The following MACROD2 variants were observed in gnomAD, a reference collection of about 807,000 sequenced individuals.
MACROD2 encodes ADP-ribose glycohydrolase MACROD2.
In MACROD2, 36 loss-of-function variants were observed where a neutral mutation model predicts 70.4. That is an observed-to-expected ratio of 0.51 (90% CI 0.39 to 0.68). The LOEUF (loss-of-function observed/expected upper bound fraction) is 0.68. MACROD2 is among the 30% of genes least tolerant of loss of function. The pLI is 0.00. For missense variants in MACROD2, 496 were observed against 538.4 expected (o/e 0.92, Z 0.78); for synonymous variants, 172 against 178.8 (o/e 0.96, Z 0.30).
At chr20:14,612,299 G>A (rs140085514) in intron 4 of MACROD2, among the ~76,000 whole-genome samples, 1 of 152,182 alleles carries the variant, frequency 6.6e-6, no homozygotes, top group African/African-American at 2.4e-5. Context: ...AAGTTACAAA[G>A]CCTTATTTTG....
intron 4 of MACROD2, among the ~76,000 whole-genome samples, chr20:14,616,402 A>G (rs892124025): frequency 2.0e-5 from 3 of 152,064 alleles, no homozygotes; most frequent in Non-Finnish European, 4.4e-5. Flanking sequence ...TTCTCCAATT[A>G]TATGTCATCT....
intron 7 of MACROD2, among the ~76,000 whole-genome samples, chr20:15,446,503 A>G (rs1262421449): frequency 2.6e-5 from 4 of 152,200 alleles, no homozygotes; most frequent in Non-Finnish European, 5.9e-5. Context: ...CCCTCCCCCA[A>G]TAAATCTTGT....
chr20:15,341,425 C>T (rs988913119), intron 6 of MACROD2, among the ~76,000 whole-genome samples: 1 of 152,104 alleles, frequency 6.6e-6, no homozygotes, highest in African/African-American at 2.4e-5. Flanking sequence ...AAGACTACCC[C>T]ATGATAACAT....
In MACROD2 at chr20:16,027,443, G is replaced by A. The variant is rs1030522194; in HGVS notation, c.1154-13758G>A. On this transcript the variant is annotated intron_variant, in intron 15 of 17. Transcript: ENST00000684519. The stretch of plus-strand genomic sequence containing the variant: ...ATTAAAGACATCTATAATTAAGAAT[G>A]TATAGGATTAAGTTATTCTTTGACT... 5.9e-5 allele frequency among the ~76,000 whole-genome samples: 9 copies of A among 152,204 alleles called. No individual in the cohort carries two copies. The South Asian group carries it at 1.2e-3, about 21-fold the overall frequency.
rs567141555 is a variant in MACROD2, at chr20:15,021,105, C to T, written c.419-208835C>T. ...GTGTATACACGTGTATGTGTATACA[C>T]GTGTATGTGTATACACGTGTGTATA... is the stretch of plus-strand genomic sequence containing the variant. On this transcript the variant is annotated intron_variant, in intron 5 of 17. Coordinates refer to ENST00000684519, the MANE Select transcript of MACROD2 (RefSeq NM_001351661.2). Among the ~76,000 whole-genome samples the T allele has an allele frequency of 7.3e-5, 9 of 123,796 alleles. No homozygotes were observed. In the South Asian group the frequency reaches 1.9e-3, roughly 26 times the overall value. 81.2% of individuals were successfully genotyped at this position (123,796 alleles called of 152,430 possible).
Position 14,827,437 on chromosome 20 carries a change from T to C in MACROD2, c.418+142478T>C, listed in dbSNP as rs769179851. On this transcript the variant is annotated intron_variant, in intron 5 of 17. Coordinates refer to ENST00000684519, the MANE Select transcript of MACROD2 (RefSeq NM_001351661.2). ...AAGTATATTCCACATATGGCATGGA[T>C]GCTTTGTTTACATGGTACGTGGTTT... 3.7e-4 allele frequency among the ~76,000 whole-genome samples: 56 copies of C among 152,286 alleles called. 3 individuals are homozygous for C. Among genetic ancestry groups the C allele is most frequent in the Admixed American group, 6.5e-4 (10 of 15,290 alleles).
chr20:14,911,448 G>A (rs1364201973), intron 5 of MACROD2, among the ~76,000 whole-genome samples: 1 of 152,048 alleles, frequency 6.6e-6, no homozygotes, highest in Non-Finnish European at 1.5e-5. Flanking sequence ...CATGATCTTG[G>A]CTCACTGCAG....
intron 4 of MACROD2, among the ~76,000 whole-genome samples, chr20:14,598,049 G>A (rs1328622776): frequency 6.6e-6 from 1 of 152,056 alleles, no homozygotes; most frequent in Non-Finnish European, 1.5e-5. Flanking sequence ...CCTCCAGAAA[G>A]GACTGGGTTT....
intron 4 of MACROD2, among the ~76,000 whole-genome samples, chr20:14,670,840 C>A (rs143982265): frequency 6.6e-6 from 1 of 152,116 alleles, no homozygotes; most frequent in Non-Finnish European, 1.5e-5. Flanking sequence ...GTAGTCAGCA[C>A]GCCCATGTTG....
At chr20:16,031,272 G>A (rs1293516447) in intron 15 of MACROD2, among the ~76,000 whole-genome samples, 1 of 152,128 alleles carries the variant, frequency 6.6e-6, no homozygotes, top group Non-Finnish European at 1.5e-5. Flanking sequence ...CACTCGTAAT[G>A]TAAATCAAAA....
At chr20:15,730,569 G>A (rs1263013238) in intron 8 of MACROD2, among the ~76,000 whole-genome samples, 1 of 152,014 alleles carries the variant, frequency 6.6e-6, no homozygotes, top group African/African-American at 2.4e-5. Flanking sequence ...TAGCCTGATG[G>A]GATTCTCTTT....
rs146177659 is a variant in MACROD2 at position 14,633,777 on chromosome 20, G to A, written c.302-51066G>A. 4.6e-5 allele frequency among the ~76,000 whole-genome samples: 7 copies of A among 152,166 alleles called. No homozygotes were observed. In the East Asian group the frequency reaches 1.4e-3, roughly 29 times the overall value. ...ACTTAAAACATCACCAGACACATAAGTCCATTGAAACCACCTCAGGCCTTT... is the reference window on the plus strand; with the variant it reads ...ACTTAAAACATCACCAGACACATAAATCCATTGAAACCACCTCAGGCCTTT... On this transcript the variant is annotated intron_variant, in intron 4 of 17. Transcript: ENST00000684519.
intron 3 of MACROD2, chr20:14,324,403 A>T (rs559253254): frequency 6.5e-6 from 1 of 152,722 alleles, no homozygotes; most frequent in African/African-American, 2.4e-5. Flanking sequence ...ATTATATAAT[A>T]TCTGGAAAAT....
chr20:14,534,536 G>T (rs974223362), intron 4 of MACROD2, among the ~76,000 whole-genome samples: 4 of 150,728 alleles, frequency 2.7e-5, no homozygotes, highest in Admixed American at 2.0e-4. Context: ...TAATCTCGTT[G>T]ATCAAGAGTG....
At chr20:15,769,534 A>G (rs1600864092) in intron 8 of MACROD2, among the ~76,000 whole-genome samples, 1 of 152,322 alleles carries the variant, frequency 6.6e-6, no homozygotes, top group Middle Eastern at 3.4e-3. Flanking sequence ...GTTTATTTAT[A>G]CCAGCAGCAC....
chr20:14,476,251 A>G lies in MACROD2; in HGVS notation c.272-17228A>G, dbSNP rs147308769. Among the ~76,000 whole-genome samples the G allele has an allele frequency of 6.5e-3, 989 of 152,348 alleles. 12 individuals carry two copies. The highest frequency in any genetic ancestry group is 0.022 in the African/African-American group (916 of 41,580). ...TTTAAATTTTTTAAACAACAAATATACTGAGTTTCCTGAATATTATGCAAC... is the reference window on the plus strand; with the variant it reads ...TTTAAATTTTTTAAACAACAAATATGCTGAGTTTCCTGAATATTATGCAAC... On this transcript the variant is annotated intron_variant, in intron 3 of 17. Transcript: ENST00000684519.
intron 8 of MACROD2, among the ~76,000 whole-genome samples, chr20:15,550,546 C>A (rs1265288155): frequency 6.6e-6 from 1 of 151,974 alleles, no homozygotes; most frequent in Non-Finnish European, 1.5e-5. Context: ...TATTGTATCA[C>A]TTTTTTATTC....
chr20:14,885,883 T>A (rs538245446), intron 5 of MACROD2, among the ~76,000 whole-genome samples: 1 of 152,350 alleles, frequency 6.6e-6, no homozygotes, highest in East Asian at 1.9e-4. Flanking sequence ...CATTCATTTA[T>A]TCATTCACAG....
At chr20:14,484,608 T>C (rs923625831) in intron 3 of MACROD2, among the ~76,000 whole-genome samples, 18 of 140,494 alleles carry the variant, frequency 1.3e-4, no homozygotes, top group Admixed American at 8.8e-4. Flanking sequence ...TTCCAGTGTC[T>C]GGTAACCACC....
Sources: gnomAD v4.1 joint callset for allele counts (sites outside exome capture counted in the v4.1 genomes callset) on GRCh38, gnomAD v4.1.1 for gene constraint, MANE v1.5 for transcripts, NCBI Gene and HGNC (gene_info 2026-07-23, HGNC 2026-07-21) for gene names.